NOD2: variants seen among roughly 807,000 people sequenced by gnomAD.
NOD2 encodes the protein nucleotide-binding oligomerization domain-containing protein 2.
Under a neutral mutation model 90.9 loss-of-function variants are expected in NOD2, and 86 were observed. The observed-to-expected ratio is 0.95, with a 90% CI of 0.79 to 1.13. The LOEUF (loss-of-function observed/expected upper bound fraction) is 1.13. Ranked by LOEUF, NOD2 falls within the 50% of genes most tolerant of loss-of-function variation. The probability of loss-of-function intolerance (pLI) is 0.00; values close to 1 mark genes in which losing one functional copy is unlikely to be tolerated. For missense variants in NOD2, 1,238 were observed against 1,283.8 expected, an observed-to-expected ratio of 0.96 and a Z score of 0.55; for synonymous variants, 581 against 554.6, an observed-to-expected ratio of 1.05 and a Z score of -0.67.
intron 10 of NOD2, among the ~76,000 whole-genome samples, chr16:50,728,751 C>T (rs1965352054): frequency 6.6e-6 from 1 of 152,112 alleles, no homozygotes; most frequent in Non-Finnish European, 1.5e-5. Context: ...AAAGCTGTAA[C>T]CAAAAGAGCA....
chr16:50,716,427 T>C (rs1189328155), intron 4 of NOD2, among the ~76,000 whole-genome samples, 160 bp from the exon 5 acceptor site: 1 of 152,136 alleles, frequency 6.6e-6, no homozygotes. Context: ...CCAGGGACCG[T>C]GGGGTCTCCA....
At chr16:50,701,455 G>A (rs953505232) in intron 2 of NOD2, among the ~76,000 whole-genome samples, 3 of 152,232 alleles carry the variant, frequency 2.0e-5, no homozygotes, top group East Asian at 1.9e-4. Flanking sequence ...CTTCAAGGCT[G>A]CACTAAAGCT....
At chr16:50,712,415 C>T in intron 4 of NOD2, 42 bp downstream of exon 4, 1 of 1,609,584 alleles carries the variant, frequency 6.2e-7, no homozygotes, top group Middle Eastern at 2.0e-4. Context: ...TGGGGGAGCA[C>T]CATCAAGGCT....
chr16:50,730,001 C>G, intron 11 of NOD2, 100 bp downstream of exon 11: 2 of 790,408 alleles, frequency 2.5e-6, no homozygotes, highest in South Asian at 1.4e-5. Context: ...TTTTGAGGAT[C>G]CCTTCTGATT....
At chr16:50,709,636 G>C (rs536301992) in intron 3 of NOD2, among the ~76,000 whole-genome samples, 1 of 152,270 alleles carries the variant, frequency 6.6e-6, no homozygotes, top group Admixed American at 6.5e-5. Context: ...GGGCACCCCG[G>C]TGACCCCGAG....
At chr16:50,700,621 T>C (rs1963898885) in intron 2 of NOD2, among the ~76,000 whole-genome samples, 1 of 152,202 alleles carries the variant, frequency 6.6e-6, no homozygotes, top group South Asian at 2.1e-4. Flanking sequence ...CCTATAAGGC[T>C]CTTGGGAGGA....
intron 4 of NOD2, 128 bp downstream of exon 4, chr16:50,712,501 C>A: frequency 1.8e-6 from 2 of 1,132,148 alleles, no homozygotes; most frequent in Non-Finnish European, 1.3e-6. Flanking sequence ...TGCAACACTG[C>A]CCAGATCCCT....
At chr16:50,694,421 G>A (rs1482622750) in intron 1 of NOD2, among the ~76,000 whole-genome samples, 1 of 152,200 alleles carries the variant, frequency 6.6e-6, no homozygotes, top group Non-Finnish European at 1.5e-5. Flanking sequence ...ACCTGTACTT[G>A]CCTGTCCCGA....
intron 1 of NOD2, among the ~76,000 whole-genome samples, chr16:50,695,070 A>G (rs977815801): frequency 1.4e-5 from 2 of 145,686 alleles, no homozygotes; most frequent in African/African-American, 5.1e-5. Flanking sequence ...TCTGAGCATG[A>G]TGGGAGCACG....
chr16:50,705,316 C>T (rs1263257430), intron 2 of NOD2, among the ~76,000 whole-genome samples: 1 of 152,178 alleles, frequency 6.6e-6, no homozygotes, highest in Non-Finnish European at 1.5e-5. Flanking sequence ...CTGTTTTTCA[C>T]CCTATGTAAA....
At chr16:50,717,370 G>T (rs1013096172) in intron 6 of NOD2, among the ~76,000 whole-genome samples, 1 of 152,182 alleles carries the variant, frequency 6.6e-6, no homozygotes, top group African/African-American at 2.4e-5. Flanking sequence ...CTCCCAGGAG[G>T]TCCTTTCACC....
chr16:50,701,557 C>T (rs1426763599), intron 2 of NOD2, among the ~76,000 whole-genome samples: 1 of 152,202 alleles, frequency 6.6e-6, no homozygotes, highest in South Asian at 2.1e-4. Context: ...ATTGGACTGA[C>T]CTTAGTTTCT....
intron 7 of NOD2, among the ~76,000 whole-genome samples, chr16:50,721,005 A>G (rs1016491734): frequency 1.3e-5 from 2 of 151,874 alleles, no homozygotes; most frequent in Non-Finnish European, 2.9e-5. Flanking sequence ...GGGTTTCACC[A>G]TGTTGGCCCG....
At chr16:50,710,529 C>G (rs1315638982) in intron 3 of NOD2, 29 bp from the exon 4 acceptor site, 2 of 1,614,000 alleles carry the variant, frequency 1.2e-6, no homozygotes. Context: ...ATGGTGCCAC[C>G]TTCATCTGCC....
intron 5 of NOD2, 60 bp downstream of exon 5, chr16:50,716,730 T>C: frequency 6.4e-7 from 1 of 1,552,224 alleles, no homozygotes; most frequent in Admixed American, 1.7e-5. Context: ...CCCCAGGTCG[T>C]GCAGCCTGGG....
At chr16:50,698,559 G>A (rs569826387) in intron 1 of NOD2, among the ~76,000 whole-genome samples, 47 of 152,328 alleles carry the variant, frequency 3.1e-4, no homozygotes, top group African/African-American at 1.0e-3. Flanking sequence ...TGGGGCCCCC[G>A]TGGGGAACCC....
chr16:50,730,782 C>T (rs577653613), intron 11 of NOD2, among the ~76,000 whole-genome samples: 85 of 152,326 alleles, frequency 5.6e-4, no homozygotes, highest in African/African-American at 1.9e-3. Flanking sequence ...TGTCTTAGAC[C>T]AGGACCCTTT....
At chr16:50,701,218 GT>G (rs1963924902) in intron 2 of NOD2, among the ~76,000 whole-genome samples, 2 of 152,208 alleles carry the variant, frequency 1.3e-5, no homozygotes, top group Non-Finnish European at 2.9e-5. Context: ...CTTAAAGTTT[GT>G]TGTGTTCATA....
At chr16:50,718,972 GGGAA>G (rs1964920448) in intron 6 of NOD2, among the ~76,000 whole-genome samples, 1 of 152,174 alleles carries the variant, frequency 6.6e-6, no homozygotes, top group African/African-American at 2.4e-5. Flanking sequence ...GAAGGAGAGA[GGGAA>G]GGAAGGAAGG....
Sources: allele counts gnomAD v4.1 joint callset (sites outside exome capture counted in the v4.1 genomes callset), GRCh38; gene constraint gnomAD v4.1.1; transcripts MANE v1.5; gene names NCBI Gene and HGNC (gene_info 2026-07-23, HGNC 2026-07-21).